PDE4D: variants seen among roughly 807,000 people sequenced by gnomAD.
The protein encoded by PDE4D is 3',5'-cyclic-AMP phosphodiesterase 4D.
Under a neutral mutation model 87.4 loss-of-function variants are expected in PDE4D, and 24 were observed. The ratio of observed to expected loss-of-function variants is 0.27; its 90% CI spans 0.20 to 0.39. The LOEUF is 0.39. Among genes scored for constraint, PDE4D ranks in the 10% least tolerant of loss-of-function variants. The pLI, the probability that PDE4D is intolerant of heterozygous loss-of-function variation, is 1.00. For synonymous variants in PDE4D, 384 were observed against 383.2 expected (o/e 1.00, Z -0.02); for missense variants, 714 against 1,041.0 (o/e 0.69, Z 4.32).
chr5:59,722,084 A>G (rs1247996527), intron 1 of PDE4D, among the ~76,000 whole-genome samples: 2 of 152,180 alleles, frequency 1.3e-5, no homozygotes. Context: ...AGCAGAAGAC[A>G]CTACTCAGAA....
intron 1 of PDE4D, among the ~76,000 whole-genome samples, chr5:59,602,483 T>C (rs1399852650): frequency 6.6e-6 from 1 of 151,972 alleles, no homozygotes; most frequent in East Asian, 1.9e-4. Context: ...AAAAAGAAAT[T>C]TTTAAAATCC....
In PDE4D at chr5:59,893,199, A is replaced by G. The variant is rs754107598; in HGVS notation, c.424T>C (p.Ser142Pro). Residue 142 changes from serine to proline, a missense_variant, in exon 1 of 15, where the codon TCC (serine) becomes CCC (proline). By Grantham distance (74) the Ser-to-Pro change is moderately conservative. This residue lies in a region of PDE4D where 268 missense variants were observed against 272.9 expected (regional missense o/e 0.98). Transcript: ENST00000340635. Reference protein sequence around the residue: ...HRPGLKKSRMSWPSSFQGLRR... With the variant: ...HRPGLKKSRMPWPSSFQGLRR... ...AGTCCCTGGAACGAGGAGGGCCAGG[A>G]CATCCTGGATTTCTTCAGGCCGGGC... 3.8e-6 allele frequency: 6 copies of G among 1,566,186 alleles called. No homozygotes were observed. The African/African-American group carries it at 8.1e-5, about 21-fold the overall frequency.
At chr5:60,421,592 A>T (rs1297647648) in intron 1 of PDE4D, among the ~76,000 whole-genome samples, 1 of 152,240 alleles carries the variant, frequency 6.6e-6, no homozygotes, top group African/African-American at 2.4e-5. Context: ...GAGAGAAACC[A>T]GTGCAGAAAA....
intron 1 of PDE4D, among the ~76,000 whole-genome samples, chr5:60,228,953 T>A (rs932651334): frequency 6.6e-6 from 1 of 152,218 alleles, no homozygotes; most frequent in East Asian, 1.9e-4. Context: ...TGAGAATGGC[T>A]ATGGTTTTAA....
In PDE4D at chr5:59,946,929, G is replaced by C. The variant is rs528493276; in HGVS notation, c.272+41559C>G. Among the ~76,000 whole-genome samples, 7 of 151,890 alleles carry C rather than the reference G, an allele frequency of 4.6e-5. No individual in the cohort carries two copies. In the South Asian group the frequency reaches 1.3e-3, roughly 27 times the overall value. The stretch of plus-strand genomic sequence containing the variant: ...CTCCCTCTTCAAACTATTATGTTCT[G>C]CACACATATAACATAATAGCTTTCC... On this transcript the variant is annotated intron_variant, in intron 3 of 16. Transcript: ENST00000502484.
At chr5:59,235,592 A>C (rs10072367) in intron 1 of PDE4D, among the ~76,000 whole-genome samples, 10,592 of 152,254 alleles carry the variant, frequency 0.07, 663 homozygotes, top group African/African-American at 0.17. Context: ...CAATTGGATT[A>C]CTTTTAATCC....
At chr5:59,251,825 A>G (rs1759995180) in intron 1 of PDE4D, among the ~76,000 whole-genome samples, 1 of 152,192 alleles carries the variant, frequency 6.6e-6, no homozygotes, top group Admixed American at 6.6e-5. Context: ...GTAAATTTAC[A>G]CCAAGGAATA....
At chr5:59,597,155 A>C (rs1826812763) in intron 1 of PDE4D, among the ~76,000 whole-genome samples, 1 of 152,066 alleles carries the variant, frequency 6.6e-6, no homozygotes, top group Non-Finnish European at 1.5e-5. Context: ...TTTTTTTGCA[A>C]TCAACATTGT....
At chr5:59,665,354 G>A (rs1261248889) in intron 1 of PDE4D, among the ~76,000 whole-genome samples, 2 of 152,218 alleles carry the variant, frequency 1.3e-5, no homozygotes, top group African/African-American at 4.8e-5. Context: ...CCAAACAACT[G>A]TGAGTTGATG....
At chr5:59,659,250 T>C (rs1744859188) in intron 1 of PDE4D, among the ~76,000 whole-genome samples, 1 of 152,172 alleles carries the variant, frequency 6.6e-6, no homozygotes. Flanking sequence ...TCAGCAAACA[T>C]AGAGTAAATA....
intron 5 of PDE4D, among the ~76,000 whole-genome samples, chr5:59,147,617 T>C (rs1778861564): frequency 6.6e-6 from 1 of 152,236 alleles, no homozygotes; most frequent in South Asian, 2.1e-4. Context: ...TTTGATACTG[T>C]TGAAATCTCT....
intron 1 of PDE4D, among the ~76,000 whole-genome samples, chr5:59,388,626 T>TAC (rs71604788): frequency 0.065 from 9,582 of 148,194 alleles, 777 homozygotes; most frequent in African/African-American, 0.19. Context: ...GAAAATGTGG[T>TAC]ACACACACAC....
rs185555128 is a variant in PDE4D at position 59,678,055 on chromosome 5, C to T, written c.455+215113G>A. Among the ~76,000 whole-genome samples, 595 of 152,182 alleles carry T rather than the reference C, an allele frequency of 3.9e-3. 1 individual carries two copies. The highest frequency in any genetic ancestry group is 0.012 in the African/African-American group (494 of 41,508). Reference sequence around the variant, plus strand: ...CCCATGATTACTTAAAACTGAGGTGCCTGCACAAATCAGCAAGGCACTAAA... The same window carrying T: ...CCCATGATTACTTAAAACTGAGGTGTCTGCACAAATCAGCAAGGCACTAAA... On this transcript the variant is annotated intron_variant, in intron 1 of 14. Transcript: ENST00000340635.
intron 5 of PDE4D, among the ~76,000 whole-genome samples, chr5:59,090,556 T>A (rs73097093): frequency 6.6e-6 from 1 of 152,102 alleles, no homozygotes; most frequent in African/African-American, 2.4e-5. Flanking sequence ...CATACTGGCA[T>A]GAGAAACGCT....
In PDE4D at chr5:59,587,408, C is replaced by T. The variant is rs558614981; in HGVS notation, c.455+305760G>A. 14 of 974,486 alleles carry T rather than the reference C, an allele frequency of 1.4e-5. No individual in the cohort carries two copies. The African/African-American group carries it at 2.3e-4, about 16-fold the overall frequency. The allele number at this position is 974,486 out of a possible 1,614,324, so 60.4% of individuals were successfully genotyped here. A position where few individuals can be genotyped will look rare whatever the true frequency, so the allele number is the denominator to read the frequency against. ...CCAATAGGTGTCATTTATTCTGATG[C>T]TCTGACATCTTCTGAAAGATTCTCA... On this transcript the variant is annotated intron_variant, in intron 1 of 14. Transcript: ENST00000340635.
chr5:59,737,439 T>C (rs550936951), intron 1 of PDE4D, among the ~76,000 whole-genome samples: 31 of 152,162 alleles, frequency 2.0e-4, no homozygotes, highest in African/African-American at 7.2e-4. Flanking sequence ...AAGAAAAAAA[T>C]TGTGACCTGG....
chr5:59,757,097 C>A (rs984569865), intron 1 of PDE4D, among the ~76,000 whole-genome samples: 1 of 152,076 alleles, frequency 6.6e-6, no homozygotes, highest in African/African-American at 2.4e-5. Flanking sequence ...CGCACCCGGC[C>A]GGTTCTTACT....
chr5:59,234,308 C>T (rs375523088), intron 1 of PDE4D, among the ~76,000 whole-genome samples: 10 of 151,738 alleles, frequency 6.6e-5, no homozygotes, highest in South Asian at 6.3e-4. Flanking sequence ...AGAATTTATT[C>T]GATATAATCT....
At chr5:60,224,286 T>C (rs1744842116) in intron 1 of PDE4D, among the ~76,000 whole-genome samples, 1 of 152,244 alleles carries the variant, frequency 6.6e-6, no homozygotes, top group Admixed American at 6.5e-5. Context: ...CAACTCTGTC[T>C]ATTGCAGCCC....
Sources: allele counts gnomAD v4.1 joint callset (sites outside exome capture counted in the v4.1 genomes callset), GRCh38; gene constraint gnomAD v4.1.1; regional missense constraint gnomAD v4.1.1; transcripts MANE v1.5; gene names NCBI Gene and HGNC (gene_info 2026-07-23, HGNC 2026-07-21).